The following PDILT variants were observed in gnomAD, a reference collection of about 807,000 sequenced individuals.
PDILT encodes the protein protein disulfide isomerase like, testis expressed.
In PDILT, 43 loss-of-function variants were observed where a neutral mutation model predicts 53.7. The ratio of observed to expected loss-of-function variants is 0.80; its 90% confidence interval spans 0.63 to 1.03. The LOEUF is 1.03. Among genes scored for constraint, PDILT ranks in the 50% least tolerant of loss-of-function variants. PDILT has a pLI of 0.00. For missense variants in PDILT, 727 were observed against 712.3 expected (o/e 1.02, Z -0.24); for synonymous variants, 282 against 274.2 (o/e 1.03, Z -0.28).
At position 20,359,223 on chromosome 16, in the gene PDILT, T is replaced by G; in HGVS notation, c.*96A>C. The G allele has an allele frequency of 8.4e-7, 1 of 1,193,720 alleles. No individual in the cohort carries two copies. The highest frequency in any genetic ancestry group is 1.6e-5 in the African/African-American group (1 of 64,468). 73.9% of individuals were successfully genotyped at this position (1,193,720 alleles called of 1,614,324 possible). On this transcript the variant is annotated 3_prime_UTR_variant, in exon 12 of 12. Coordinates refer to ENST00000302451, the MANE Select transcript of PDILT (RefSeq NM_174924.2). ...ACCCCTACCCCCGCCCCACCTACCCTACCACAATGATATATGCTTTTATTG... is the reference window on the plus strand; with the variant it reads ...ACCCCTACCCCCGCCCCACCTACCCGACCACAATGATATATGCTTTTATTG...
Position 20,372,539 on chromosome 16 carries a change from A to G in PDILT, c.918+263T>C, listed in dbSNP as rs1045493430. Among the ~76,000 whole-genome samples, 7 of 152,346 alleles carry G rather than the reference A, an allele frequency of 4.6e-5. 1 individual carries two copies. In the Middle Eastern group the frequency reaches 0.01, roughly 222 times the overall value. ...AGGCAAGCCTTCATGTTCTCAGAGTAGACTCATTACAAAGAAGAGTGAAGA... is the reference window on the plus strand; with the variant it reads ...AGGCAAGCCTTCATGTTCTCAGAGTGGACTCATTACAAAGAAGAGTGAAGA... On this transcript the variant is annotated intron_variant, in intron 7 of 11. Coordinates refer to ENST00000302451, the MANE Select transcript of PDILT (RefSeq NM_174924.2).
intron 1 of PDILT, 95 bp from the exon 2 acceptor site, chr16:20,399,402 G>C: frequency 7.5e-7 from 1 of 1,330,590 alleles, no homozygotes; most frequent in Non-Finnish European, 1.0e-6. Context: ...GGTCCATGTA[G>C]GGTGAATGTG....
chr16:20,400,167 C>T (rs116193359), intron 1 of PDILT, among the ~76,000 whole-genome samples: 2,730 of 151,854 alleles, frequency 0.018, 72 homozygotes, highest in African/African-American at 0.063. Flanking sequence ...GTTCCAGAGG[C>T]TCACCCTAGT....
chr16:20,360,829 A>T (rs1966089755), intron 10 of PDILT, among the ~76,000 whole-genome samples, 172 bp from the exon 11 acceptor site: 1 of 152,206 alleles, frequency 6.6e-6, no homozygotes, highest in Non-Finnish European at 1.5e-5. Flanking sequence ...AGGATAATAA[A>T]AATGCTTCTG....
intron 11 of PDILT, among the ~76,000 whole-genome samples, chr16:20,360,068 C>T (rs938611568): frequency 2.0e-5 from 3 of 152,186 alleles, no homozygotes; most frequent in Non-Finnish European, 4.4e-5. Context: ...GTCTGGGTTC[C>T]GGATCCACCC....
chr16:20,373,217 G>A (rs1966333099), intron 5 of PDILT, 95 bp from the exon 6 acceptor site: 2 of 1,031,452 alleles, frequency 1.9e-6, no homozygotes, highest in Non-Finnish European at 3.0e-6. Flanking sequence ...TTGGATAAAA[G>A]GAAAGCACTG....
rs148836394 is a variant in PDILT at position 20,363,727 on chromosome 16, T to A, written c.1238-1145A>T. ...CATGTCATTTATAGGTAATTACATG[T>A]CATGTTATTATACATATATAATTCA... On this transcript the variant is annotated intron_variant, in intron 9 of 11. Transcript: ENST00000302451. Among the ~76,000 whole-genome samples the A allele has an allele frequency of 2.5e-4, 38 of 152,290 alleles. No individual in the cohort carries two copies. In the East Asian group the frequency reaches 6.6e-3, roughly 26 times the overall value.
intron 2 of PDILT, among the ~76,000 whole-genome samples, chr16:20,392,204 C>G (rs969644380): frequency 4.6e-5 from 7 of 152,088 alleles, no homozygotes; most frequent in African/African-American, 1.7e-4. Flanking sequence ...GTAGAAGAAT[C>G]AAGAACAACC....
intron 8 of PDILT, among the ~76,000 whole-genome samples, chr16:20,367,996 A>G (rs576612268): frequency 3.8e-4 from 58 of 152,260 alleles, no homozygotes; most frequent in African/African-American, 1.3e-3. Context: ...CATCAGAGCA[A>G]TGAATGATGG....
intron 2 of PDILT, among the ~76,000 whole-genome samples, chr16:20,395,992 CACAA>C (rs1038808252): frequency 3.9e-5 from 6 of 152,184 alleles, no homozygotes; most frequent in African/African-American, 1.4e-4. Flanking sequence ...TTTGTAGCAA[CACAA>C]ACAGACAAAG....
At chr16:20,370,513 A>G (rs1456718819) in intron 7 of PDILT, among the ~76,000 whole-genome samples, 1 of 152,234 alleles carries the variant, frequency 6.6e-6, no homozygotes, top group African/African-American at 2.4e-5. Context: ...GGAAACTGCC[A>G]GTGCAAAGGC....
At chr16:20,361,463 G>A (rs1000192736) in intron 10 of PDILT, among the ~76,000 whole-genome samples, 22 of 152,102 alleles carry the variant, frequency 1.4e-4, no homozygotes, top group Middle Eastern at 3.4e-3. Flanking sequence ...GATTACACGC[G>A]TTGAGACACC....
rs5816105 is a variant in PDILT at position 20,361,205 on chromosome 16, T to TTTTTTTTTTTG, written c.1417-549_1417-548insCAAAAAAAAAA. 2.0e-3 allele frequency among the ~76,000 whole-genome samples: 272 copies of TTTTTTTTTTTG among 134,780 alleles called. 7 individuals are homozygous for TTTTTTTTTTTG. Among genetic ancestry groups the TTTTTTTTTTTG allele is most frequent in the African/African-American group, 6.6e-3 (233 of 35,362 alleles). 88.4% of individuals were successfully genotyped at this position (134,780 alleles called of 152,430 possible). ...TCCCTTTCCTCTTTTTTTTTTTTTT[T>TTTTTTTTTTTG]ATATGGAATCTTGCTCTGTCACCAT... On this transcript the variant is annotated intron_variant, in intron 10 of 11. Coordinates refer to ENST00000302451, the MANE Select transcript of PDILT (RefSeq NM_174924.2).
In PDILT at chr16:20,366,984, C is replaced by CTATTTA. The variant is rs1567320455; in HGVS notation, c.1117-1445_1117-1444insTAAATA. 7.5e-4 allele frequency among the ~76,000 whole-genome samples: 44 copies of CTATTTA among 58,502 alleles called. 2 individuals are homozygous for CTATTTA. The highest frequency in any genetic ancestry group is 1.8e-3 in the African/African-American group (40 of 22,426). The allele number at this position is 58,502 out of a possible 152,430, so 38.4% of individuals were successfully genotyped here. Reference sequence around the variant, plus strand: ...CCTTCCTTCCTTCCTTCCTTCCTTCCTTCCTTTCTTTCTTTCTTTATTTAT... The same window carrying CTATTTA: ...CCTTCCTTCCTTCCTTCCTTCCTTCCTATTTATTCCTTTCTTTCTTTCTTTATTTAT... On this transcript the variant is annotated intron_variant, in intron 8 of 11. Transcript: ENST00000302451.
chr16:20,368,197 G>T (rs565386237), intron 8 of PDILT, among the ~76,000 whole-genome samples: 98 of 152,280 alleles, frequency 6.4e-4, no homozygotes, highest in Non-Finnish European at 7.4e-5. Flanking sequence ...TATTGGAGAA[G>T]AGAGACCAGG....
At chr16:20,391,301 T>C (rs1966604257) in intron 2 of PDILT, 1 of 165,576 alleles carries the variant, frequency 6.0e-6, no homozygotes, top group Non-Finnish European at 1.3e-5. Context: ...ATCATCGCCA[T>C]TGTCATCATC....
intron 2 of PDILT, among the ~76,000 whole-genome samples, chr16:20,391,717 T>A (rs140546478): frequency 4.6e-5 from 7 of 152,048 alleles, no homozygotes; most frequent in Non-Finnish European, 8.8e-5. Context: ...CATCATGCAA[T>A]GTACACGATG....
At chr16:20,361,294 C>T (rs757820555) in intron 10 of PDILT, among the ~76,000 whole-genome samples, 6 of 149,658 alleles carry the variant, frequency 4.0e-5, no homozygotes, top group African/African-American at 1.2e-4. Context: ...CAAGCGATTC[C>T]CCTGCCTCAG....
Position 20,372,973 on chromosome 16 carries a change from C to T in PDILT, c.792+39G>A, listed in dbSNP as rs1256407197. On this transcript the variant is annotated intron_variant, in intron 6 of 11. Coordinates refer to ENST00000302451, the MANE Select transcript of PDILT (RefSeq NM_174924.2). ...TGTCATCCCAAGCACACACAGTGGC[C>T]CCAGCTCCCCTTCCTCCGGGGACCA... The T allele has an allele frequency of 3.7e-6, 6 of 1,613,348 alleles. No individual in the cohort carries two copies. In the African/African-American group the frequency reaches 5.3e-5, roughly 14 times the overall value.
Sources: allele counts gnomAD v4.1 joint callset (sites outside exome capture counted in the v4.1 genomes callset), GRCh38; gene constraint gnomAD v4.1.1; transcripts MANE v1.5; gene names NCBI Gene and HGNC (gene_info 2026-07-23, HGNC 2026-07-21).